The following GRM3 variants were observed in gnomAD, a reference collection of about 807,000 sequenced individuals.
GRM3 encodes glutamate metabotropic receptor 3.
In GRM3, 26 loss-of-function variants were observed where a neutral mutation model predicts 70.5. The ratio of observed to expected loss-of-function variants is 0.37; its 90% CI spans 0.27 to 0.51. GRM3 has a LOEUF of 0.51. Ranked by LOEUF, GRM3 falls within the 20% of genes least tolerant of loss-of-function variation. GRM3 has a pLI of 0.93. For synonymous variants in GRM3, 443 were observed against 434.9 expected (o/e 1.02, Z -0.23); for missense variants, 859 against 1,123.8 (o/e 0.76, Z 3.37).
intron 1 of GRM3, among the ~76,000 whole-genome samples, chr7:86,646,418 G>T (rs934880707): frequency 1.3e-5 from 2 of 152,036 alleles, no homozygotes; most frequent in African/African-American, 4.8e-5. Flanking sequence ...TAGATATTTT[G>T]AATATACATG....
intron 1 of GRM3, among the ~76,000 whole-genome samples, chr7:86,646,875 A>C (rs1316374735): frequency 6.6e-6 from 1 of 152,210 alleles, no homozygotes; most frequent in Non-Finnish European, 1.5e-5. Context: ...TTATTTTTGC[A>C]CAATGGGCTT....
At chr7:86,646,113 A>T (rs2115744261) in intron 1 of GRM3, among the ~76,000 whole-genome samples, 1 of 151,742 alleles carries the variant, frequency 6.6e-6, no homozygotes, top group East Asian at 1.9e-4. Flanking sequence ...AGTATATTCA[A>T]TATAGGCATT....
At chr7:86,779,340 G>A (rs948077606) in intron 2 of GRM3, among the ~76,000 whole-genome samples, 1 of 152,114 alleles carries the variant, frequency 6.6e-6, no homozygotes, top group African/African-American at 2.4e-5. Flanking sequence ...CAATAAAATT[G>A]TTTATCAGTC....
At chr7:86,825,610 G>C (rs1198272034) in intron 3 of GRM3, among the ~76,000 whole-genome samples, 1 of 152,184 alleles carries the variant, frequency 6.6e-6, no homozygotes, top group African/African-American at 2.4e-5. Context: ...CAACAAAATA[G>C]AAATTAATTT....
At chr7:86,752,716 T>G (rs1796258151) in intron 1 of GRM3, among the ~76,000 whole-genome samples, 1 of 152,142 alleles carries the variant, frequency 6.6e-6, no homozygotes, top group Middle Eastern at 3.4e-3. Context: ...AACTAAGGCC[T>G]CTATTGTGAT....
At position 86,840,000 on chromosome 7, in the gene GRM3, G is replaced by C; in HGVS notation, c.2391+95G>C. The C allele has an allele frequency of 1.4e-6, 1 of 715,270 alleles. No homozygotes were observed. The highest frequency in any genetic ancestry group is 2.4e-6 in the Non-Finnish European group (1 of 418,260). The allele number at this position is 715,270 out of a possible 1,614,324, so 44.3% of individuals were successfully genotyped here. ...TAGACTCCTTTTATTTCATCTCAAC[G>C]AGTTGGGTAATTTCAAATGCCATGA... On this transcript the variant is annotated intron_variant, in intron 4 of 5. Transcript: ENST00000361669. This position sits in a 1 kb window ranked among gnomAD's most constrained non-coding sequence, Gnocchi z 4.5.
At chr7:86,685,380 A>C (rs1794538188) in intron 1 of GRM3, among the ~76,000 whole-genome samples, 1 of 152,228 alleles carries the variant, frequency 6.6e-6, no homozygotes, top group South Asian at 2.1e-4. Context: ...TATGTAGACA[A>C]GGCATCATCG....
intron 1 of GRM3, among the ~76,000 whole-genome samples, chr7:86,653,937 T>A (rs1332749511): frequency 6.6e-6 from 1 of 152,196 alleles, no homozygotes; most frequent in Non-Finnish European, 1.5e-5. Context: ...TATGCCCTTA[T>A]GAGCTAGGGG....
intron 2 of GRM3, among the ~76,000 whole-genome samples, chr7:86,777,238 TA>T (rs1254835421): frequency 6.6e-6 from 1 of 152,176 alleles, no homozygotes; most frequent in East Asian, 1.9e-4. Flanking sequence ...CCAAAATGAA[TA>T]ACCTTACTAT....
At chr7:86,715,738 T>A (rs560245513) in intron 1 of GRM3, among the ~76,000 whole-genome samples, 1 of 152,126 alleles carries the variant, frequency 6.6e-6, no homozygotes, top group East Asian at 1.9e-4. Flanking sequence ...TAAAAGCAAT[T>A]CTAATAACTC....
At chr7:86,655,687 G>T (rs963387070) in intron 1 of GRM3, among the ~76,000 whole-genome samples, 1 of 152,148 alleles carries the variant, frequency 6.6e-6, no homozygotes, top group Non-Finnish European at 1.5e-5. Flanking sequence ...ACCCTTCTTT[G>T]TCACTCTTAC....
intron 2 of GRM3, among the ~76,000 whole-genome samples, chr7:86,785,685 A>ATTGTTTTTTTTTTTTTT (rs1797214043): frequency 1.5e-5 from 1 of 65,192 alleles, no homozygotes; most frequent in Non-Finnish European, 2.9e-5. Flanking sequence ...AATAGAATTG[A>ATTGTTTTTTTTTTTTTT]TTTTTTTTTT....
chr7:86,708,842 G>C (rs1795118685), intron 1 of GRM3, among the ~76,000 whole-genome samples: 1 of 152,028 alleles, frequency 6.6e-6, no homozygotes, highest in Non-Finnish European at 1.5e-5. Flanking sequence ...AAAATATTGA[G>C]CAACTAGGTT....
chr7:86,732,774 G>T (rs75571270), intron 1 of GRM3, among the ~76,000 whole-genome samples: 4,396 of 152,212 alleles, frequency 0.029, 203 homozygotes, highest in African/African-American at 0.1. Context: ...CAATTAAAGT[G>T]AAGTGGAAAA....
chr7:86,823,639 G>A (rs1798172963), intron 3 of GRM3, among the ~76,000 whole-genome samples: 1 of 140,326 alleles, frequency 7.1e-6, no homozygotes, highest in Non-Finnish European at 1.5e-5. Context: ...TGGGGGCTGT[G>A]GGATAGGATT....
rs1431742715 is a variant in GRM3 at position 86,739,616 on chromosome 7, A to G, written c.-140-25390A>G. Among the ~76,000 whole-genome samples the G allele has an allele frequency of 2.0e-5, 3 of 152,210 alleles. No homozygotes were observed. In the East Asian group the frequency reaches 5.8e-4, roughly 29 times the overall value. ...GGGAACTTTCTGGAAAGGCAAATTT[A>G]TAAAGACTGCCCCAATCTCCTTAAT... On this transcript the variant is annotated intron_variant, in intron 1 of 5. Coordinates refer to ENST00000361669, the MANE Select transcript of GRM3 (RefSeq NM_000840.3).
intron 3 of GRM3, among the ~76,000 whole-genome samples, chr7:86,810,391 A>T (rs1234525143): frequency 6.6e-6 from 1 of 152,018 alleles, no homozygotes; most frequent in Non-Finnish European, 1.5e-5. Context: ...CTAGAAATTC[A>T]TGAATAGTTA....
intron 4 of GRM3, among the ~76,000 whole-genome samples, chr7:86,842,371 C>T (rs1798573441): frequency 6.6e-6 from 1 of 152,134 alleles, no homozygotes; most frequent in South Asian, 2.1e-4. Context: ...AGCCCAAATT[C>T]CCATACTCAA....
At chr7:86,811,975 G>T (rs980549974) in intron 3 of GRM3, among the ~76,000 whole-genome samples, 9 of 151,064 alleles carry the variant, frequency 6.0e-5, no homozygotes, top group African/African-American at 2.2e-4. Context: ...CTATATAATA[G>T]AAATTATATA....
Sources: allele counts gnomAD v4.1 joint callset (sites outside exome capture counted in the v4.1 genomes callset), GRCh38; gene constraint gnomAD v4.1.1; non-coding constraint Gnocchi (gnomAD v3.1); transcripts MANE v1.5; gene names NCBI Gene and HGNC (gene_info 2026-07-23, HGNC 2026-07-21).